ABTB3: variants seen among roughly 807,000 people sequenced by gnomAD.
The protein encoded by ABTB3 is ankyrin repeat- and BTB/POZ domain-containing protein 3.
the ABTB3 span, among the ~76,000 whole-genome samples, chr12:107,588,512 T>G: frequency 6.6e-6 from 1 of 152,158 alleles, no homozygotes; most frequent in African/African-American, 2.4e-5. Context: ...ATTTTTTGTG[T>G]GTGTGGTGTT....
the ABTB3 span, among the ~76,000 whole-genome samples, chr12:107,427,895 C>T: frequency 6.6e-6 from 1 of 152,164 alleles, no homozygotes; most frequent in African/African-American, 2.4e-5. Flanking sequence ...ATGCTGACCA[C>T]GTCAAAATCT....
the ABTB3 span, among the ~76,000 whole-genome samples, chr12:107,346,329 G>A: frequency 6.6e-6 from 1 of 152,160 alleles, no homozygotes; most frequent in Non-Finnish European, 1.5e-5. Flanking sequence ...AAGTTAGGGG[G>A]CATCTAGGAG....
chr12:107,572,384 C>G, the ABTB3 span, among the ~76,000 whole-genome samples: 1 of 152,018 alleles, frequency 6.6e-6, no homozygotes, highest in South Asian at 2.1e-4. Flanking sequence ...AATATGGCCA[C>G]CAGATTGTTG....
At chr12:107,521,580 T>C in the ABTB3 span, among the ~76,000 whole-genome samples, 1 of 151,982 alleles carries the variant, frequency 6.6e-6, no homozygotes, top group East Asian at 1.9e-4. Flanking sequence ...TCAGATCACA[T>C]CTCTCCTCTG....
chr12:107,340,251 A>G, the ABTB3 span, among the ~76,000 whole-genome samples: 1 of 152,178 alleles, frequency 6.6e-6, no homozygotes, highest in African/African-American at 2.4e-5. Context: ...AGGCCCAAGA[A>G]CTGAGTTGCT....
chr12:107,494,760 G>A, the ABTB3 span, among the ~76,000 whole-genome samples: 1 of 152,144 alleles, frequency 6.6e-6, no homozygotes, highest in Non-Finnish European at 1.5e-5. Context: ...AGCTTCCCCA[G>A]GTGGCACCTC....
chr12:107,320,710 A>G, the ABTB3 span: 1 of 455,908 alleles, frequency 2.2e-6, no homozygotes, highest in African/African-American at 2.0e-5. Flanking sequence ...TGAGGGCTAG[A>G]GCACACAGCT....
At chr12:107,410,455 G>A in the ABTB3 span, among the ~76,000 whole-genome samples, 1 of 152,256 alleles carries the variant, frequency 6.6e-6, no homozygotes, top group South Asian at 2.1e-4. Flanking sequence ...GGGGATACAG[G>A]AAGGGAAGGA....
At chr12:107,561,698 A>G in the ABTB3 span, among the ~76,000 whole-genome samples, 77 of 152,296 alleles carry the variant, frequency 5.1e-4, no homozygotes, top group Non-Finnish European at 1.2e-4. Flanking sequence ...ATCGGGAACC[A>G]GTTAAGTGCT....
the ABTB3 span, among the ~76,000 whole-genome samples, chr12:107,605,900 G>T: frequency 6.6e-6 from 1 of 152,170 alleles, no homozygotes; most frequent in Non-Finnish European, 1.5e-5. Flanking sequence ...CATGAGAAAA[G>T]GTTCTGGCCT....
At chr12:107,432,846 G>A in the ABTB3 span, among the ~76,000 whole-genome samples, 3 of 152,240 alleles carry the variant, frequency 2.0e-5, no homozygotes, top group East Asian at 3.9e-4. Context: ...TCTAAGGCAC[G>A]TTTCAATTTG....
the ABTB3 span, among the ~76,000 whole-genome samples, chr12:107,437,762 C>T: frequency 6.6e-6 from 1 of 152,050 alleles, no homozygotes. Context: ...GATTTGGGCC[C>T]CACCTGGGTA....
the ABTB3 span, among the ~76,000 whole-genome samples, chr12:107,589,828 G>A: frequency 2.6e-3 from 399 of 152,356 alleles, 4 homozygotes; most frequent in African/African-American, 8.7e-3. Context: ...ATAAATAATT[G>A]TTGAATGAAT....
chr12:107,487,653 C>T, the ABTB3 span, among the ~76,000 whole-genome samples: 3 of 152,124 alleles, frequency 2.0e-5, no homozygotes, highest in African/African-American at 7.2e-5. Context: ...TGGAATTTTA[C>T]CTCCTTCTAC....
chr12:107,552,517 T>C, the ABTB3 span, among the ~76,000 whole-genome samples: 1 of 152,210 alleles, frequency 6.6e-6, no homozygotes, highest in African/African-American at 2.4e-5. Flanking sequence ...AGGATCCAGA[T>C]ACTACACCTA....
chr12:107,505,480 AG>A, the ABTB3 span, among the ~76,000 whole-genome samples: 1 of 152,162 alleles, frequency 6.6e-6, no homozygotes, highest in Non-Finnish European at 1.5e-5. Context: ...TAAATCAGTG[AG>A]GAAAAGGTGG....
the ABTB3 span, among the ~76,000 whole-genome samples, chr12:107,469,550 G>T: frequency 6.6e-6 from 1 of 152,172 alleles, no homozygotes; most frequent in African/African-American, 2.4e-5. Context: ...CGTCATGTAC[G>T]GGGGTGGAGA....
chr12:107,471,063 T>C, the ABTB3 span, among the ~76,000 whole-genome samples: 4 of 152,248 alleles, frequency 2.6e-5, no homozygotes, highest in Admixed American at 2.6e-4. Flanking sequence ...AATTGCTGCG[T>C]GGCTTGATGG....
the ABTB3 span, among the ~76,000 whole-genome samples, chr12:107,646,972 C>T: frequency 6.6e-6 from 1 of 152,052 alleles, no homozygotes; most frequent in Non-Finnish European, 1.5e-5. Flanking sequence ...GGCAAAAGCA[C>T]AGGACTAGAA....
Sources: allele counts gnomAD v4.1 joint callset (sites outside exome capture counted in the v4.1 genomes callset), GRCh38; gene constraint gnomAD v4.1.1; transcripts MANE v1.5; gene names NCBI Gene and HGNC (gene_info 2026-07-23, HGNC 2026-07-21).